Variants in MBD2 observed in about 807,000 individuals in gnomAD.
The protein encoded by MBD2 is methyl-CpG binding domain protein 2.
In MBD2, 9 loss-of-function variants were observed where a neutral mutation model predicts 39.3. The ratio of observed to expected loss-of-function variants is 0.23; its 90% CI spans 0.14 to 0.40. The LOEUF (loss-of-function observed/expected upper bound fraction) is 0.40, where lower values mean the gene tolerates loss of function less well. Among genes scored for constraint, MBD2 ranks in the 10% least tolerant of loss-of-function variants. The probability of loss-of-function intolerance (pLI) is 1.00; values close to 1 mark genes in which losing one functional copy is unlikely to be tolerated. For missense variants in MBD2, 458 were observed against 532.6 expected, an observed-to-expected ratio of 0.86 and a Z score of 1.38; for synonymous variants, 233 against 211.1, an observed-to-expected ratio of 1.10 and a Z score of -0.90.
chr18:54,174,855 C>T (rs141510825), intron 3 of MBD2, among the ~76,000 whole-genome samples: 2 of 152,280 alleles, frequency 1.3e-5, no homozygotes, highest in East Asian at 1.9e-4. Flanking sequence ...ACCACAGGAT[C>T]GGGGTTCCCA....
chr18:54,205,205 C>A, intron 1 of MBD2, 48 bp from the exon 2 acceptor site: 1 of 1,531,696 alleles, frequency 6.5e-7, no homozygotes, highest in Admixed American at 1.9e-5. Flanking sequence ...ATATTCTCCA[C>A]ATAAGCCTTT....
intron 3 of MBD2, among the ~76,000 whole-genome samples, chr18:54,176,178 G>C (rs1177790689): frequency 6.6e-6 from 1 of 152,254 alleles, no homozygotes; most frequent in Non-Finnish European, 1.5e-5. Context: ...TGGCTAAGTA[G>C]AGGGAGGACA....
chr18:54,179,117 G>A (rs941658354), intron 3 of MBD2, among the ~76,000 whole-genome samples: 2 of 152,164 alleles, frequency 1.3e-5, no homozygotes, highest in African/African-American at 4.8e-5. Flanking sequence ...TTGAGCCCAG[G>A]AGGGCAAGGC....
chr18:54,209,113 G>A (rs1051169827), intron 1 of MBD2, among the ~76,000 whole-genome samples: 7 of 151,930 alleles, frequency 4.6e-5, no homozygotes, highest in South Asian at 2.1e-4. Context: ...TGGGCAACAC[G>A]GTGAAACCCC....
At position 54,213,085 on chromosome 18, in the gene MBD2, CGG is replaced by C. The variant is rs778109166; in HGVS notation, c.543-7930_543-7929del. Among the ~76,000 whole-genome samples, 466 of 72,376 alleles carry C rather than the reference CGG, an allele frequency of 6.4e-3. 4 individuals carry two copies. Among genetic ancestry groups the C allele is most frequent in the South Asian group, 0.025 (39 of 1,564 alleles). 47.5% of individuals were successfully genotyped at this position (72,376 alleles called of 152,430 possible). A position where few individuals can be genotyped will look rare whatever the true frequency, so the allele number is the denominator to read the frequency against. On this transcript the variant is annotated intron_variant, in intron 1 of 6. Transcript: ENST00000256429. ...GATGGGTGGGGAAGGATTATGGGGG[CGG>C]GGGGGGGGATTATTTTTAAAGTATA...
At chr18:54,217,684 T>TG (rs776559992) in intron 1 of MBD2, among the ~76,000 whole-genome samples, 54 of 152,168 alleles carry the variant, frequency 3.5e-4, no homozygotes, top group Non-Finnish European at 6.8e-4. Context: ...AACTAAATTA[T>TG]GAAAAAAATG....
intron 3 of MBD2, among the ~76,000 whole-genome samples, chr18:54,168,768 T>C (rs899370819): frequency 1.3e-5 from 2 of 151,404 alleles, no homozygotes; most frequent in African/African-American, 4.9e-5. Flanking sequence ...TCAAGGTCAC[T>C]TCCTCTCCAA....
At chr18:54,215,832 G>A (rs373926403) in intron 1 of MBD2, among the ~76,000 whole-genome samples, 20 of 146,316 alleles carry the variant, frequency 1.4e-4, no homozygotes, top group African/African-American at 3.8e-4. Flanking sequence ...ACAGAGTTTC[G>A]CTCTTGTTGC....
chr18:54,166,047 A>G (rs927078686), intron 4 of MBD2, 29 bp downstream of exon 4: 2 of 1,467,820 alleles, frequency 1.4e-6, no homozygotes, highest in East Asian at 2.3e-5. Context: ...TACTTGATAA[A>G]TGTCTGCTCA....
chr18:54,205,947 A>AACACACACACACACAC (rs1230954152), intron 1 of MBD2, among the ~76,000 whole-genome samples: 1 of 147,514 alleles, frequency 6.8e-6, no homozygotes, highest in Non-Finnish European at 1.5e-5. Context: ...CCTTGTTTAA[A>AACACACACACACACAC]ACACACACAT....
At chr18:54,197,706 TC>T (rs2086376942) in intron 2 of MBD2, among the ~76,000 whole-genome samples, 1 of 152,182 alleles carries the variant, frequency 6.6e-6, no homozygotes, top group Non-Finnish European at 1.5e-5. Context: ...TTAGAATCTG[TC>T]CACTTCTATC....
At chr18:54,193,214 A>T (rs1403580331) in intron 2 of MBD2, among the ~76,000 whole-genome samples, 3 of 152,210 alleles carry the variant, frequency 2.0e-5, no homozygotes, top group Non-Finnish European at 4.4e-5. Flanking sequence ...TTTAGAATCT[A>T]AAGGACCAAT....
intron 2 of MBD2, chr18:54,202,952 G>A (rs1338876216): frequency 3.1e-6 from 3 of 983,444 alleles, no homozygotes; most frequent in African/African-American, 1.6e-5. Flanking sequence ...TCCCAGAGAT[G>A]GAGACAATGA....
At chr18:54,206,739 G>C (rs2086452634) in intron 1 of MBD2, among the ~76,000 whole-genome samples, 1 of 151,818 alleles carries the variant, frequency 6.6e-6, no homozygotes, top group South Asian at 2.1e-4. Flanking sequence ...TCAGCAGGCA[G>C]ATGAAAATAA....
chr18:54,187,734 T>C, intron 3 of MBD2: 2 of 985,880 alleles, frequency 2.0e-6, no homozygotes, highest in Non-Finnish European at 2.4e-6. Context: ...TTGAATCTCT[T>C]GGGGACCAAC....
At chr18:54,220,096 C>T (rs1451740120) in intron 1 of MBD2, among the ~76,000 whole-genome samples, 1 of 152,122 alleles carries the variant, frequency 6.6e-6, no homozygotes, top group Non-Finnish European at 1.5e-5. Flanking sequence ...CCACAGCGAC[C>T]GACCTAGACT....
intron 1 of MBD2, among the ~76,000 whole-genome samples, chr18:54,206,469 G>C (rs1236815840): frequency 1.3e-5 from 2 of 152,120 alleles, no homozygotes; most frequent in East Asian, 3.8e-4. Context: ...ACTTAACCTT[G>C]CACCAAGTGA....
intron 1 of MBD2, among the ~76,000 whole-genome samples, chr18:54,209,696 T>C (rs1220970977): frequency 6.6e-6 from 1 of 152,090 alleles, no homozygotes; most frequent in Non-Finnish European, 1.5e-5. Flanking sequence ...AAAGCAAACA[T>C]GGAGGAGGGC....
intron 1 of MBD2, among the ~76,000 whole-genome samples, chr18:54,211,211 A>C (rs542320120): frequency 6.6e-6 from 1 of 152,180 alleles, no homozygotes; most frequent in South Asian, 2.1e-4. Flanking sequence ...GTTAACACTT[A>C]CTTCTCACTT....
Sources: gnomAD v4.1 joint callset for allele counts (sites outside exome capture counted in the v4.1 genomes callset) on GRCh38, gnomAD v4.1.1 for gene constraint, MANE v1.5 for transcripts, NCBI Gene and HGNC (gene_info 2026-07-23, HGNC 2026-07-21) for gene names.